STRBP: variants seen among roughly 807,000 people sequenced by gnomAD.
STRBP encodes spermatid perinuclear RNA binding protein, also known as spermatid perinuclear RNA-binding protein.
In STRBP, 13 loss-of-function variants were observed where a neutral mutation model predicts 80.1. That is an observed-to-expected ratio of 0.16 (90% CI 0.11 to 0.26). STRBP has a LOEUF of 0.26. Among genes scored for constraint, STRBP ranks in the 10% least tolerant of loss-of-function variants. The pLI is 1.00. For synonymous variants in STRBP, 284 were observed against 291.2 expected, an observed-to-expected ratio of 0.98 and a Z score of 0.25; for missense variants, 485 against 815.2, an observed-to-expected ratio of 0.59 and a Z score of 4.93.
chr9:123,147,422 TC>T (rs1205078973), intron 12 of STRBP, among the ~76,000 whole-genome samples: 1 of 152,098 alleles, frequency 6.6e-6, no homozygotes, highest in African/African-American at 2.4e-5. Flanking sequence ...ATATCTGTAA[TC>T]CCAGCACTTG....
intron 1 of STRBP, among the ~76,000 whole-genome samples, chr9:123,248,029 G>A (rs1232762840): frequency 6.6e-6 from 1 of 152,078 alleles, no homozygotes; most frequent in South Asian, 2.1e-4. Flanking sequence ...GTATACACAA[G>A]GTGCTTTAGG....
chr9:123,158,492 CAAAAGAGAGATGGCTGGGGAGAA>C, intron 9 of STRBP, 63 bp from the exon 10 acceptor site: 1 of 1,380,620 alleles, frequency 7.2e-7, no homozygotes, highest in Non-Finnish European at 1.0e-6. Flanking sequence ...TAAACTAAAA[CAAAAGAGAGATGGCTGGGGAGAA>C]TGAAGAGAAA....
Position 123,224,776 on chromosome 9 carries a change from G to A in STRBP, c.-165+12054C>T, listed in dbSNP as rs2040182010. Reference sequence around the variant, plus strand: ...CATGTACTGCTGGTAGTAGTGGAAAGTGAAAAAAAGATACTTAAAACTTTT... The same window carrying A: ...CATGTACTGCTGGTAGTAGTGGAAAATGAAAAAAAGATACTTAAAACTTTT... On this transcript the variant is annotated intron_variant, in intron 2 of 18. Transcript: ENST00000348403. 1.3e-5 allele frequency among the ~76,000 whole-genome samples: 2 copies of A among 152,128 alleles called. 1 individual carries two copies. The highest frequency in any genetic ancestry group is 4.1e-4 in the South Asian group (2 of 4,830).
intron 2 of STRBP, among the ~76,000 whole-genome samples, chr9:123,222,821 T>G (rs1243169947): frequency 2.0e-5 from 3 of 152,200 alleles, no homozygotes; most frequent in African/African-American, 4.8e-5. Context: ...AATCACAATC[T>G]ACTTTTACAA....
chr9:123,158,385 C>G lies in STRBP; in HGVS notation c.880G>C (p.Ala294Pro). The G allele has an allele frequency of 6.2e-7, 1 of 1,613,582 alleles. No homozygotes were observed. Among genetic ancestry groups the G allele is most frequent in the Non-Finnish European group, 8.5e-7 (1 of 1,179,646 alleles). The change falls in exon 10 of 19, where the codon GCT becomes CCT. Residue 294 changes from alanine to proline, a missense_variant. Physicochemically the swap from Ala to Pro is conservative, Grantham distance 27. Coordinates refer to ENST00000348403, the MANE Select transcript of STRBP (RefSeq NM_018387.5). Reference protein sequence around the residue: ...HDPCERDPTDALSYMTIQQKE... With the variant: ...HDPCERDPTDPLSYMTIQQKE... ...TGCTGGATGGTCATATAGCTCAGAG[C>G]ATCTGTTGGGTCTCGCTCACAAGGA...
chr9:123,267,457 T>C (rs2041294586), intron 1 of STRBP, among the ~76,000 whole-genome samples: 1 of 150,088 alleles, frequency 6.7e-6, no homozygotes, highest in Non-Finnish European at 1.5e-5. Context: ...TCCTCTTCCC[T>C]GAGCACCAGA....
chr9:123,185,431 G>A (rs535469503), intron 2 of STRBP, among the ~76,000 whole-genome samples: 46 of 152,184 alleles, frequency 3.0e-4, no homozygotes, highest in African/African-American at 1.0e-3. Context: ...TAACAGAAGA[G>A]ATTCTAATAA....
At chr9:123,197,264 T>C (rs2039126038) in intron 2 of STRBP, among the ~76,000 whole-genome samples, 1 of 152,140 alleles carries the variant, frequency 6.6e-6, no homozygotes. Context: ...GAAGTGGAGA[T>C]GGTATATGGG....
intron 2 of STRBP, among the ~76,000 whole-genome samples, chr9:123,197,962 C>T (rs1043046844): frequency 1.3e-5 from 2 of 152,086 alleles, no homozygotes; most frequent in Non-Finnish European, 2.9e-5. Flanking sequence ...GCGTGAGCCA[C>T]GGAGCCTGGC....
At chr9:123,250,453 C>T (rs978649307) in intron 1 of STRBP, among the ~76,000 whole-genome samples, 1 of 152,066 alleles carries the variant, frequency 6.6e-6, no homozygotes, top group Non-Finnish European at 1.5e-5. Flanking sequence ...ATACAACTCA[C>T]ATAAACAAGA....
chr9:123,165,206 G>A (rs1360891531), intron 6 of STRBP, among the ~76,000 whole-genome samples: 1 of 151,324 alleles, frequency 6.6e-6, no homozygotes, highest in African/African-American at 2.4e-5. Flanking sequence ...GCTTGAACCC[G>A]GGAGGCGGAC....
At chr9:123,154,747 G>A (rs762403635) in intron 11 of STRBP, among the ~76,000 whole-genome samples, 6 of 152,184 alleles carry the variant, frequency 3.9e-5, no homozygotes, top group Non-Finnish European at 7.3e-5. Context: ...GATACTTCAG[G>A]CAAGTGGTGA....
intron 2 of STRBP, among the ~76,000 whole-genome samples, chr9:123,189,296 C>T (rs750413930): frequency 1.0e-4 from 12 of 114,950 alleles, no homozygotes; most frequent in Non-Finnish European, 1.7e-4. Context: ...ACATCACATA[C>T]CAGGGCCTGT....
chr9:123,209,593 G>A (rs2039638303), intron 2 of STRBP, among the ~76,000 whole-genome samples: 1 of 152,184 alleles, frequency 6.6e-6, no homozygotes. Context: ...CATGTAAAGA[G>A]GATGGCTCTA....
intron 2 of STRBP, among the ~76,000 whole-genome samples, chr9:123,210,422 AG>A (rs1390820307): frequency 6.6e-6 from 1 of 152,088 alleles, no homozygotes; most frequent in African/African-American, 2.4e-5. Flanking sequence ...CCAAAAGAAA[AG>A]AAAAAAAAAA....
intron 16 of STRBP, among the ~76,000 whole-genome samples, chr9:123,133,955 T>C (rs1466985671): frequency 6.6e-6 from 1 of 152,194 alleles, no homozygotes; most frequent in Non-Finnish European, 1.5e-5. Context: ...CCACTTTGTT[T>C]TCCTTAGAGT....
intron 3 of STRBP, chr9:123,109,941 A>C (rs955315362): frequency 3.3e-5 from 5 of 152,216 alleles, no homozygotes; most frequent in African/African-American, 9.7e-5. Context: ...TACATGATAG[A>C]TATTTTAAAT....
intron 2 of STRBP, among the ~76,000 whole-genome samples, chr9:123,205,050 G>A (rs1004907273): frequency 6.6e-5 from 10 of 151,878 alleles, no homozygotes; most frequent in African/African-American, 9.7e-5. Flanking sequence ...CAGATCACCC[G>A]AGGTCAGGAG....
At chr9:123,196,616 A>C (rs1037718076) in intron 2 of STRBP, among the ~76,000 whole-genome samples, 3 of 152,236 alleles carry the variant, frequency 2.0e-5, no homozygotes, top group Non-Finnish European at 4.4e-5. Context: ...TACTAATGGC[A>C]AACAGGTGTA....
Sources: allele counts gnomAD v4.1 joint callset (sites outside exome capture counted in the v4.1 genomes callset), GRCh38; gene constraint gnomAD v4.1.1; transcripts MANE v1.5; gene names NCBI Gene and HGNC (gene_info 2026-07-23, HGNC 2026-07-21).